The following KLHDC4 variants were observed in gnomAD, a reference collection of about 807,000 sequenced individuals.
KLHDC4 encodes the protein kelch domain-containing protein 4.
Under a neutral mutation model 62.4 loss-of-function variants are expected in KLHDC4, and 90 were observed. That is an observed-to-expected ratio of 1.44 (90% CI 1.22 to 1.72). The LOEUF (loss-of-function observed/expected upper bound fraction) is 1.72, where lower values mean the gene tolerates loss of function less well. Ranked by LOEUF, KLHDC4 falls within the 40% of genes most tolerant of loss-of-function variation. The pLI is 0.00. For missense variants in KLHDC4, 1,025 were observed against 699.7 expected, an observed-to-expected ratio of 1.47 and a Z score of -5.25; for synonymous variants, 386 against 284.4, an observed-to-expected ratio of 1.36 and a Z score of -3.59.
chr16:87,745,332 C>G (rs2042884494), intron 5 of KLHDC4, among the ~76,000 whole-genome samples: 1 of 151,678 alleles, frequency 6.6e-6, no homozygotes, highest in Admixed American at 6.6e-5. Flanking sequence ...CCAGCCCATA[C>G]TACCCAGCAC....
At chr16:87,711,906 G>T (rs2035941199) in intron 8 of KLHDC4, among the ~76,000 whole-genome samples, 1 of 128,332 alleles carries the variant, frequency 7.8e-6, no homozygotes, top group Non-Finnish European at 1.5e-5. Flanking sequence ...CACCCAGGGG[G>T]CTGAATGCCT....
downstream of KLHDC4, chr16:87,703,203 G>T (rs576654775): frequency 2.0e-5 from 3 of 152,160 alleles, no homozygotes; most frequent in Non-Finnish European, 4.4e-5. Flanking sequence ...AGCAGGAATC[G>T]CGAGTGAGTT....
intron 7 of KLHDC4, among the ~76,000 whole-genome samples, chr16:87,715,057 C>T (rs1210403355): frequency 6.6e-6 from 1 of 152,188 alleles, no homozygotes; most frequent in African/African-American, 2.4e-5. Flanking sequence ...CTCCATGTCC[C>T]TTAGCCCTTA....
chr16:87,765,959 G>T lies in KLHDC4; in HGVS notation c.-69C>A. 2 of 1,439,934 alleles carry T rather than the reference G, an allele frequency of 1.4e-6. No homozygotes were observed. The highest frequency in any genetic ancestry group is 1.9e-6 in the Non-Finnish European group (2 of 1,052,540). The allele number at this position is 1,439,934 out of a possible 1,614,324, so 89.2% of individuals were successfully genotyped here. On this transcript the variant is annotated 5_prime_UTR_variant, in exon 1 of 12. The change creates a new upstream start codon in the 5' untranslated region. Coordinates refer to ENST00000270583, the MANE Select transcript of KLHDC4 (RefSeq NM_017566.4). The stretch of plus-strand genomic sequence containing the variant: ...GGCCCGCGCTCTCCGCTCGGAAACA[G>T]GTGCTCGTGGGGCGGAGCTCGGCGC...
chr16:87,742,532 G>C (rs933946215), intron 5 of KLHDC4, among the ~76,000 whole-genome samples: 1 of 152,158 alleles, frequency 6.6e-6, no homozygotes, highest in Admixed American at 6.6e-5. Flanking sequence ...GAGGCTGATG[G>C]ATCAGATCAC....
intron 2 of KLHDC4, among the ~76,000 whole-genome samples, chr16:87,760,699 T>G (rs901552807): frequency 2.0e-5 from 3 of 150,508 alleles, no homozygotes; most frequent in African/African-American, 4.9e-5. Flanking sequence ...ATCAGAAGCC[T>G]AAGATCAAGG....
chr16:87,721,749 G>A (rs775763896), intron 7 of KLHDC4, among the ~76,000 whole-genome samples: 1 of 152,220 alleles, frequency 6.6e-6, no homozygotes, highest in African/African-American at 2.4e-5. Flanking sequence ...CGGCCTCGCG[G>A]TAACAGTGGG....
chr16:87,746,168 G>A (rs1439298464), intron 5 of KLHDC4, among the ~76,000 whole-genome samples: 2 of 152,098 alleles, frequency 1.3e-5, no homozygotes. Context: ...TACTAGGGGG[G>A]CTGAGGCAGG....
intron 5 of KLHDC4, chr16:87,739,713 C>G (rs1043390681): frequency 6.6e-6 from 1 of 152,454 alleles, no homozygotes; most frequent in African/African-American, 2.4e-5. Context: ...AACAGCAGGA[C>G]ACGTCCTGAC....
chr16:87,728,747 G>A (rs909647120), intron 6 of KLHDC4, among the ~76,000 whole-genome samples: 4 of 152,076 alleles, frequency 2.6e-5, no homozygotes, highest in African/African-American at 4.8e-5. Flanking sequence ...TTGGGAGGCC[G>A]AGGCATGTGG....
chr16:87,753,507 C>T (rs971358830), intron 4 of KLHDC4, among the ~76,000 whole-genome samples: 22 of 152,094 alleles, frequency 1.4e-4, no homozygotes, highest in African/African-American at 5.3e-4. Flanking sequence ...GTGAAAAAAT[C>T]CAGACACTCA....
chr16:87,760,606 CAAAAA>C (rs546426686), intron 2 of KLHDC4, among the ~76,000 whole-genome samples: 1 of 52,158 alleles, frequency 1.9e-5, no homozygotes, highest in Non-Finnish European at 3.8e-5. Flanking sequence ...GACTCCGTCC[CAAAAA>C]AAAAAAAAAA....
intron 4 of KLHDC4, among the ~76,000 whole-genome samples, chr16:87,753,674 G>A (rs1002902157): frequency 1.3e-5 from 2 of 152,086 alleles, no homozygotes; most frequent in African/African-American, 4.8e-5. Context: ...GGTGGCACAC[G>A]CCTATAATCC....
At chr16:87,720,132 C>T (rs993633701) in intron 7 of KLHDC4, among the ~76,000 whole-genome samples, 2 of 152,180 alleles carry the variant, frequency 1.3e-5, no homozygotes, top group Non-Finnish European at 2.9e-5. Context: ...GGAGAAGACA[C>T]ACAGGGCCGC....
Position 87,756,428 on chromosome 16 carries a change from A to G in KLHDC4, c.241T>C (p.Phe81Leu). ...VHPEKDELIL[F>L]GGEYFNGQKT... is the part of the protein sequence containing the mutation. ...TGGCCGTTGAAATATTCACCTCCAA[A>G]AAGGATTAACTCATCTTTCTCAGGA... The change falls in exon 3 of 12, where the codon TTT (phenylalanine) becomes CTT (leucine). Residue 81 changes from phenylalanine to leucine, a missense_variant. By Grantham distance (22) the Phe-to-Leu change is conservative. Coordinates refer to ENST00000270583, the MANE Select transcript of KLHDC4 (RefSeq NM_017566.4). The G allele has an allele frequency of 6.2e-7, 1 of 1,613,928 alleles. No homozygotes were observed. The highest frequency in any genetic ancestry group is 8.5e-7 in the Non-Finnish European group (1 of 1,179,806).
intron 6 of KLHDC4, among the ~76,000 whole-genome samples, chr16:87,727,648 C>T (rs577203451): frequency 3.0e-4 from 45 of 152,298 alleles, no homozygotes; most frequent in African/African-American, 8.9e-4. Flanking sequence ...TGGGGAGACT[C>T]GGAGGCGCAC....
intron 2 of KLHDC4, among the ~76,000 whole-genome samples, chr16:87,757,967 C>A (rs545521557): frequency 6.6e-6 from 1 of 152,136 alleles, no homozygotes; most frequent in Non-Finnish European, 1.5e-5. Context: ...GACTATCTGG[C>A]GAATCACTGG....
intron 2 of KLHDC4, chr16:87,757,420 A>T (rs1041037805): frequency 6.6e-6 from 1 of 150,930 alleles, no homozygotes; most frequent in Non-Finnish European, 1.5e-5. Context: ...GTGAGCTGAG[A>T]TCATGCCATT....
chr16:87,726,895 G>A lies in KLHDC4; in HGVS notation c.629C>T (p.Ala210Val), dbSNP rs1229784827. The A allele has an allele frequency of 6.2e-7, 1 of 1,613,978 alleles. No homozygotes were observed. The highest frequency in any genetic ancestry group is 8.5e-7 in the Non-Finnish European group (1 of 1,179,942). Residue 210 changes from alanine to valine, a missense_variant, in exon 7 of 12, where the codon GCC (alanine) becomes GTC (valine). By Grantham distance (64) the Ala-to-Val change is moderately conservative. Transcript: ENST00000270583. ...RDYIYYNDVY[A>V]FNLDTFTWSK... Reference sequence around the variant, plus strand: ...CCATGTGAAGGTGTCCAGATTAAAGGCATACACGTCGTTGTAGTAGATGTA... The same window carrying A: ...CCATGTGAAGGTGTCCAGATTAAAGACATACACGTCGTTGTAGTAGATGTA...
Sources: allele counts gnomAD v4.1 joint callset (sites outside exome capture counted in the v4.1 genomes callset), GRCh38; gene constraint gnomAD v4.1.1; transcripts MANE v1.5; gene names NCBI Gene and HGNC (gene_info 2026-07-23, HGNC 2026-07-21).